The following TYW1B variants were observed in gnomAD, a reference collection of about 807,000 sequenced individuals.
TYW1B encodes the protein S-adenosyl-L-methionine-dependent tRNA 4-demethylwyosine synthase TYW1B.
TYW1B carries 73 observed loss-of-function variants against 86.9 expected under a neutral mutation model. That is an observed-to-expected ratio of 0.84 (90% CI 0.70 to 1.02). The LOEUF is 1.02. Ranked by LOEUF, TYW1B falls within the 50% of genes least tolerant of loss-of-function variation. The probability of loss-of-function intolerance (pLI) is 0.00; values close to 1 mark genes in which losing one functional copy is unlikely to be tolerated. For synonymous variants in TYW1B, 248 were observed against 292.8 expected, an observed-to-expected ratio of 0.85 and a Z score of 1.56; for missense variants, 637 against 827.4, an observed-to-expected ratio of 0.77 and a Z score of 2.82.
At chr7:72,650,039 G>A (rs559677280) in intron 11 of TYW1B, among the ~76,000 whole-genome samples, 32 of 149,774 alleles carry the variant, frequency 2.1e-4, no homozygotes, top group South Asian at 8.4e-4. Context: ...ACAGGCACCC[G>A]CCACCATGCC....
intron 7 of TYW1B, among the ~76,000 whole-genome samples, chr7:72,756,160 G>A (rs1554465959): frequency 6.6e-6 from 1 of 151,868 alleles, no homozygotes; most frequent in Admixed American, 6.6e-5. Context: ...GTCAAGCATG[G>A]TTGGAGAAGT....
At chr7:72,639,472 G>GT (rs1812751127) in intron 11 of TYW1B, among the ~76,000 whole-genome samples, 2 of 152,010 alleles carry the variant, frequency 1.3e-5, no homozygotes, top group Non-Finnish European at 2.9e-5. Flanking sequence ...CAGCTTGTTT[G>GT]TTTTTTAAAA....
At chr7:72,748,775 A>G (rs1787438981) in intron 7 of TYW1B, among the ~76,000 whole-genome samples, 1 of 151,842 alleles carries the variant, frequency 6.6e-6, no homozygotes, top group African/African-American at 2.4e-5. Flanking sequence ...CATACCTGGG[A>G]AAAATTCCAC....
chr7:72,760,532 T>G (rs1787669532), intron 7 of TYW1B, among the ~76,000 whole-genome samples: 1 of 152,226 alleles, frequency 6.6e-6, no homozygotes, highest in African/African-American at 2.4e-5. Flanking sequence ...TTTATACGTA[T>G]GCACATGTAT....
intron 11 of TYW1B, among the ~76,000 whole-genome samples, chr7:72,691,785 A>G (rs1264719351): frequency 1.3e-5 from 2 of 152,190 alleles, no homozygotes; most frequent in African/African-American, 4.8e-5. Context: ...ATAACCAAAG[A>G]AGGCATGGAT....
At chr7:72,663,299 C>T (rs1813379246) in intron 11 of TYW1B, among the ~76,000 whole-genome samples, 1 of 152,066 alleles carries the variant, frequency 6.6e-6, no homozygotes, top group African/African-American at 2.4e-5. Context: ...AATGTTCCTT[C>T]AATGCTATTT....
intron 11 of TYW1B, among the ~76,000 whole-genome samples, chr7:72,684,707 G>A (rs1312048888): frequency 6.6e-6 from 1 of 152,020 alleles, no homozygotes; most frequent in African/African-American, 2.4e-5. Flanking sequence ...ATAGCAATTT[G>A]GCCAAAATAA....
chr7:72,738,681 G>A (rs1409352076), intron 8 of TYW1B, among the ~76,000 whole-genome samples: 2 of 152,070 alleles, frequency 1.3e-5, no homozygotes, highest in African/African-American at 2.4e-5. Context: ...GCCCCCAGCT[G>A]AGAACCACCG....
intron 8 of TYW1B, among the ~76,000 whole-genome samples, chr7:72,744,107 C>T (rs1230080063): frequency 1.3e-5 from 2 of 150,928 alleles, no homozygotes; most frequent in African/African-American, 4.9e-5. Context: ...TAAAACTAGT[C>T]GTAGATAGAA....
intron 11 of TYW1B, among the ~76,000 whole-genome samples, chr7:72,648,275 G>T (rs775939795): frequency 1.3e-5 from 2 of 152,174 alleles, no homozygotes; most frequent in East Asian, 1.9e-4. Context: ...AGGCGTGGTG[G>T]TTTACGCTTG....
intron 8 of TYW1B, among the ~76,000 whole-genome samples, chr7:72,740,154 A>G (rs1407338285): frequency 6.6e-6 from 1 of 151,522 alleles, no homozygotes; most frequent in Admixed American, 6.6e-5. Flanking sequence ...AATGGCATGA[A>G]CCTGGGAGGT....
intron 7 of TYW1B, among the ~76,000 whole-genome samples, chr7:72,753,685 T>C (rs1787539477): frequency 1.3e-5 from 2 of 152,184 alleles, no homozygotes; most frequent in African/African-American, 4.8e-5. Context: ...TTCAGCACCT[T>C]GGCCAGGCTG....
chr7:72,783,938 G>C (rs1272944621), intron 6 of TYW1B, among the ~76,000 whole-genome samples: 1 of 152,132 alleles, frequency 6.6e-6, no homozygotes, highest in Non-Finnish European at 1.5e-5. Flanking sequence ...TTATTCCACT[G>C]CAATACCAAC....
intron 13 of TYW1B, among the ~76,000 whole-genome samples, chr7:72,614,953 C>A (rs1203567765): frequency 2.0e-5 from 3 of 152,218 alleles, no homozygotes; most frequent in African/African-American, 7.2e-5. Flanking sequence ...TGACTCCACT[C>A]ATAATCTCTT....
chr7:72,574,731 A>G lies in TYW1B; in HGVS notation c.*767T>C. The G allele has an allele frequency of 1.0e-6, 1 of 985,406 alleles. No individual in the cohort carries two copies. The highest frequency in any genetic ancestry group is 1.2e-6 in the Non-Finnish European group (1 of 829,938). 61.0% of individuals were successfully genotyped at this position (985,406 alleles called of 1,614,324 possible). ...TATGAGAGGCCCGGACAGTGACCTC[A>G]CGAACAAAAAGAAATGATCCTCTTC... On this transcript the variant is annotated 3_prime_UTR_variant, in exon 14 of 14. Transcript: ENST00000620995.
rs531039478 is a variant in TYW1B at position 72,678,941 on chromosome 7, G to A, written c.1506+15746C>T. Among the ~76,000 whole-genome samples, 7 of 150,784 alleles carry A rather than the reference G, an allele frequency of 4.6e-5. No individual in the cohort carries two copies. The South Asian group carries it at 1.5e-3, about 32-fold the overall frequency. ...TGAGACTCCATCTGTACAAGTTAAA[G>A]AATCAAAAAAATTAGCCAGGCATGG... On this transcript the variant is annotated intron_variant, in intron 11 of 13. Coordinates refer to ENST00000620995, the MANE Select transcript of TYW1B (RefSeq NM_001145440.3).
At chr7:72,783,604 C>T (rs552034616) in intron 6 of TYW1B, among the ~76,000 whole-genome samples, 3 of 152,212 alleles carry the variant, frequency 2.0e-5, no homozygotes, top group South Asian at 2.1e-4. Flanking sequence ...TCACTGGTCA[C>T]CGTTCAGTTT....
At chr7:72,781,617 G>A (rs1182287766) in intron 6 of TYW1B, among the ~76,000 whole-genome samples, 1 of 152,070 alleles carries the variant, frequency 6.6e-6, no homozygotes, top group African/African-American at 2.4e-5. Flanking sequence ...ACAGTTCTAG[G>A]GTTTCATTTC....
At chr7:72,713,300 C>CAAAAAAAAAAAGAAAAAAAAAAAAAA (rs1786713428) in intron 10 of TYW1B, among the ~76,000 whole-genome samples, 1 of 55,838 alleles carries the variant, frequency 1.8e-5, no homozygotes, top group Non-Finnish European at 3.1e-5. Context: ...GACTCCAACT[C>CAAAAAAAAAAAGAAAAAAAAAAAAAA]AAAAAAAAAA....
Sources: gnomAD v4.1 joint callset for allele counts (sites outside exome capture counted in the v4.1 genomes callset) on GRCh38, gnomAD v4.1.1 for gene constraint, MANE v1.5 for transcripts, NCBI Gene and HGNC (gene_info 2026-07-23, HGNC 2026-07-21) for gene names.